CLEC16A: variants seen among roughly 807,000 people sequenced by gnomAD.
The protein encoded by CLEC16A is C-type lectin domain containing 16A.
Under a neutral mutation model 109.5 loss-of-function variants are expected in CLEC16A, and 51 were observed. The ratio of observed to expected loss-of-function variants is 0.47; its 90% CI spans 0.37 to 0.59. The LOEUF (loss-of-function observed/expected upper bound fraction) is 0.59. CLEC16A is among the 20% of genes least tolerant of loss of function. The pLI is 0.00. For missense variants in CLEC16A, 1,339 were observed against 1,394.0 expected (o/e 0.96, Z 0.63); for synonymous variants, 673 against 564.2 (o/e 1.19, Z -2.73).
At chr16:11,003,001 T>C in intron 10 of CLEC16A, 73 bp from the exon 11 acceptor site, 3 of 1,257,778 alleles carry the variant, frequency 2.4e-6, no homozygotes, top group Non-Finnish European at 2.2e-6. Flanking sequence ...ACAGAAACTT[T>C]TGGGCAACTT....
At chr16:10,951,120 GT>G (rs2041707572) in intron 1 of CLEC16A, among the ~76,000 whole-genome samples, 1 of 152,166 alleles carries the variant, frequency 6.6e-6, no homozygotes, top group Non-Finnish European at 1.5e-5. Context: ...GGCCAGATTT[GT>G]TTACGTCTGT....
intron 19 of CLEC16A, among the ~76,000 whole-genome samples, chr16:11,109,354 A>G (rs1422319010): frequency 6.6e-6 from 1 of 152,010 alleles, no homozygotes; most frequent in Admixed American, 6.5e-5. Context: ...AGGTCTTGCT[A>G]TGTTGCCCAG....
At chr16:11,019,437 A>G (rs2045962121) in intron 11 of CLEC16A, among the ~76,000 whole-genome samples, 3 of 150,474 alleles carry the variant, frequency 2.0e-5, no homozygotes, top group South Asian at 2.1e-4. Flanking sequence ...AAGGAAAACA[A>G]AAGGCTTCAG....
chr16:10,973,007 G>C lies in CLEC16A; in HGVS notation c.674G>C (p.Trp225Ser), dbSNP rs1431936126. Residue 225 changes from tryptophan to serine, a missense_variant, in exon 7 of 24, where the codon TGG (tryptophan) becomes TCG (serine). Physicochemically the swap from Trp to Ser is radical, Grantham distance 177. This residue lies in a region of CLEC16A where 161 missense variants were observed against 267.1 expected (regional missense o/e 0.60). Coordinates refer to ENST00000409790, the MANE Select transcript of CLEC16A (RefSeq NM_015226.3). Reference protein sequence around the residue: ...TAVPYFSNLVWFIGSHVIELD... With the variant: ...TAVPYFSNLVSFIGSHVIELD... ...GTTCCTTACTTCTCCAATTTGGTCT[G>C]GTTCATTGGGAGCCATGTGATCGAA... 1 of 1,610,790 alleles carries C rather than the reference G, an allele frequency of 6.2e-7. No homozygotes were observed. The highest frequency in any genetic ancestry group is 8.5e-7 in the Non-Finnish European group (1 of 1,178,696).
intron 10 of CLEC16A, among the ~76,000 whole-genome samples, chr16:11,000,764 A>G (rs907648938): frequency 2.0e-5 from 3 of 152,162 alleles, no homozygotes; most frequent in African/African-American, 7.2e-5. Context: ...ATTAATGTTT[A>G]TATTTGGATG....
At chr16:11,122,846 G>A (rs1184456784) in intron 20 of CLEC16A, among the ~76,000 whole-genome samples, 1 of 146,990 alleles carries the variant, frequency 6.8e-6, no homozygotes, top group African/African-American at 2.5e-5. Flanking sequence ...CTCCACCTTT[G>A]AAACACAGTT....
intron 22 of CLEC16A, among the ~76,000 whole-genome samples, chr16:11,146,210 T>C (rs951241131): frequency 2.0e-5 from 3 of 152,198 alleles, no homozygotes; most frequent in Non-Finnish European, 4.4e-5. Context: ...CAGGGGTCTC[T>C]ACCTTGCTCA....
intron 19 of CLEC16A, among the ~76,000 whole-genome samples, chr16:11,090,549 C>T (rs1356877610): frequency 3.9e-5 from 6 of 152,174 alleles, no homozygotes; most frequent in East Asian, 3.8e-4. Context: ...TACATTTCTC[C>T]GCAACTCCCC....
intron 12 of CLEC16A, among the ~76,000 whole-genome samples, chr16:11,021,607 A>C (rs185839236): frequency 4.8e-4 from 73 of 152,322 alleles, no homozygotes; most frequent in African/African-American, 1.8e-3. Flanking sequence ...TGACTGGCCT[A>C]GTCACATAGT....
intron 4 of CLEC16A, among the ~76,000 whole-genome samples, chr16:10,969,723 A>G (rs1217346367): frequency 6.6e-6 from 1 of 152,084 alleles, no homozygotes; most frequent in Non-Finnish European, 1.5e-5. Context: ...ACATGCCCAG[A>G]TGTTGTCTTG....
intron 20 of CLEC16A, among the ~76,000 whole-genome samples, chr16:11,122,664 T>A (rs1406089128): frequency 6.6e-6 from 1 of 152,182 alleles, no homozygotes; most frequent in Non-Finnish European, 1.5e-5. Context: ...GTGAGCCTTT[T>A]CCAATGTTGT....
At chr16:10,960,239 C>A (rs2042191516) in intron 2 of CLEC16A, among the ~76,000 whole-genome samples, 1 of 152,150 alleles carries the variant, frequency 6.6e-6, no homozygotes, top group Non-Finnish European at 1.5e-5. Context: ...TTAATATCTC[C>A]TTTCTGTCCT....
chr16:11,021,560 G>A lies in CLEC16A; in HGVS notation c.1436+1235G>A, dbSNP rs561896507. Among the ~76,000 whole-genome samples the A allele has an allele frequency of 5.9e-5, 9 of 152,330 alleles. No homozygotes were observed. The East Asian group carries it at 1.5e-3, about 26-fold the overall frequency. On this transcript the variant is annotated intron_variant, in intron 12 of 23. Transcript: ENST00000409790. ...CACCTGAAATCCTAGCGCTTTGGGA[G>A]GCCAAGGGGGGAGGATCACTTGAAC... is the stretch of plus-strand genomic sequence containing the variant.
intron 19 of CLEC16A, among the ~76,000 whole-genome samples, chr16:11,074,206 C>A (rs1459444014): frequency 6.6e-6 from 1 of 152,006 alleles, no homozygotes; most frequent in Non-Finnish European, 1.5e-5. Context: ...GCACCCTGAA[C>A]TTGACAGATT....
chr16:11,012,610 AAAAAAAAAAAAG>A (rs1289017269), intron 11 of CLEC16A, among the ~76,000 whole-genome samples: 2 of 150,984 alleles, frequency 1.3e-5, no homozygotes, highest in African/African-American at 4.9e-5. Context: ...AAAAAAAAAA[AAAAAAAAAAAAG>A]AAAGATTTAT....
At chr16:11,016,348 T>C (rs1288163823) in intron 11 of CLEC16A, among the ~76,000 whole-genome samples, 1 of 109,564 alleles carries the variant, frequency 9.1e-6, no homozygotes. Context: ...TTTTTTCTTT[T>C]TTTTTCTTTT....
rs539958540 is a variant in CLEC16A at position 10,972,884 on chromosome 16, C to A, written c.605-54C>A. On this transcript the variant is annotated intron_variant, in intron 6 of 23. Transcript: ENST00000409790. Reference sequence around the variant, plus strand: ...TTGTTTTTGTTTTTTTTTTAATCTTCCCCAAGTTATTTTTGGTAGCTTGAC... The same window carrying A: ...TTGTTTTTGTTTTTTTTTTAATCTTACCCAAGTTATTTTTGGTAGCTTGAC... 14 of 1,493,508 alleles carry A rather than the reference C, an allele frequency of 9.4e-6. No homozygotes were observed. In the African/African-American group the frequency reaches 1.4e-4, roughly 15 times the overall value. The allele number at this position is 1,493,508 out of a possible 1,614,324, so 92.5% of individuals were successfully genotyped here. A position where few individuals can be genotyped will look rare whatever the true frequency, so the allele number is the denominator to read the frequency against.
intron 22 of CLEC16A, among the ~76,000 whole-genome samples, chr16:11,148,745 T>G (rs949098545): frequency 6.6e-6 from 1 of 152,186 alleles, no homozygotes; most frequent in African/African-American, 2.4e-5. Flanking sequence ...ACAGCCATCT[T>G]GTAGGACCAG....
intron 13 of CLEC16A, among the ~76,000 whole-genome samples, chr16:11,028,936 G>C (rs1358815660): frequency 6.6e-6 from 1 of 152,172 alleles, no homozygotes; most frequent in Non-Finnish European, 1.5e-5. Context: ...GTTTTGTCAT[G>C]TGTATAATTT....
Sources: allele counts gnomAD v4.1 joint callset (sites outside exome capture counted in the v4.1 genomes callset), GRCh38; gene constraint gnomAD v4.1.1; regional missense constraint gnomAD v4.1.1; transcripts MANE v1.5; gene names NCBI Gene and HGNC (gene_info 2026-07-23, HGNC 2026-07-21).